GPR149: variants seen among roughly 807,000 people sequenced by gnomAD.
GPR149 encodes the protein G protein-coupled receptor 149.
A neutral mutation model predicts 50.2 loss-of-function variants in GPR149; 50 were observed. The observed-to-expected ratio is 1.00, with a 90% CI of 0.79 to 1.26. GPR149 has a LOEUF of 1.26. Among genes scored for constraint, GPR149 ranks in the 50% most tolerant of loss-of-function variants. GPR149 has a pLI of 0.00. For synonymous variants in GPR149, 405 were observed against 358.2 expected, an observed-to-expected ratio of 1.13 and a Z score of -1.48; for missense variants, 983 against 895.4, an observed-to-expected ratio of 1.10 and a Z score of -1.25.
At chr3:154,385,277 G>A (rs1515652) in intron 3 of GPR149, among the ~76,000 whole-genome samples, 1,751 of 152,278 alleles carry the variant, frequency 0.011, 75 homozygotes, top group East Asian at 0.075. Context: ...CAATCCCTGC[G>A]AATTCTTTGG....
chr3:154,365,068 G>C (rs181623407), intron 3 of GPR149, among the ~76,000 whole-genome samples: 2 of 152,284 alleles, frequency 1.3e-5, no homozygotes, highest in Non-Finnish European at 2.9e-5. Context: ...TTCTTTGCCT[G>C]GCCACCTGAG....
chr3:154,355,679 T>C (rs1218640070), intron 3 of GPR149, among the ~76,000 whole-genome samples: 1 of 152,188 alleles, frequency 6.6e-6, no homozygotes, highest in African/African-American at 2.4e-5. Context: ...AAAATAAAAT[T>C]TCATCAGGAA....
chr3:154,427,766 C>T, intron 1 of GPR149, 58 bp from the exon 2 acceptor site: 7 of 1,483,138 alleles, frequency 4.7e-6, no homozygotes, highest in Non-Finnish European at 6.4e-6. Flanking sequence ...ACTTCTCAAG[C>T]CTTTTCTCCA....
chr3:154,424,568 A>G (rs148628871), intron 2 of GPR149, among the ~76,000 whole-genome samples: 124 of 151,974 alleles, frequency 8.2e-4, no homozygotes, highest in African/African-American at 2.8e-3. Context: ...TGTTTTTTGT[A>G]TTTCGTGTGT....
rs1300961147 is a variant in GPR149, at chr3:154,429,122, G to T, written c.494C>A (p.Ser165Ter). ...LTVWAASLLL[S>*]ALPLCGWGAF... ...GCCCCAGCCGCACAGCGGGAGCGCCGAGAGCAGCAGACTGGCTGCCCACAC... is the reference window on the plus strand; with the variant it reads ...GCCCCAGCCGCACAGCGGGAGCGCCTAGAGCAGCAGACTGGCTGCCCACAC... Residue 165 changes from serine (S) to a stop codon, truncating the protein, a stop_gained, in exon 1 of 4, where the codon TCG becomes TAG. Transcript: ENST00000389740. LOFTEE classifies it high-confidence loss of function. The T allele has an allele frequency of 1.2e-6, 2 of 1,613,476 alleles. No homozygotes were observed. Among genetic ancestry groups the T allele is most frequent in the East Asian group, 2.2e-5 (1 of 44,848 alleles).
chr3:154,348,733 C>T (rs2108387623), intron 3 of GPR149, among the ~76,000 whole-genome samples: 1 of 152,164 alleles, frequency 6.6e-6, no homozygotes, highest in Admixed American at 6.5e-5. Flanking sequence ...AGAAGAGCAT[C>T]ATTAATCAAT....
At chr3:154,367,344 C>G (rs78673690) in intron 3 of GPR149, among the ~76,000 whole-genome samples, 5 of 13,790 alleles carry the variant, frequency 3.6e-4, no homozygotes, top group African/African-American at 1.4e-3. Context: ...CTTCCCCCCC[C>G]CGAAACTAAA....
chr3:154,348,290 A>G (rs1226924074), intron 3 of GPR149, among the ~76,000 whole-genome samples: 1 of 152,242 alleles, frequency 6.6e-6, no homozygotes, highest in Non-Finnish European at 1.5e-5. Flanking sequence ...TGTAGTCTAA[A>G]TAAACCAATT....
intron 3 of GPR149, among the ~76,000 whole-genome samples, chr3:154,358,660 A>T (rs1244950036): frequency 2.6e-5 from 4 of 152,200 alleles, no homozygotes; most frequent in African/African-American, 7.2e-5. Context: ...AAGAAAGCAG[A>T]TTATAAACCC....
chr3:154,414,476 G>A (rs1197569559), intron 3 of GPR149, among the ~76,000 whole-genome samples: 8 of 152,044 alleles, frequency 5.3e-5, no homozygotes, highest in African/African-American at 9.6e-5. Context: ...AGATTCATCA[G>A]TGCATGCTAA....
chr3:154,361,367 TAAC>T (rs1170532452), intron 3 of GPR149, among the ~76,000 whole-genome samples: 2 of 152,202 alleles, frequency 1.3e-5, no homozygotes, highest in Non-Finnish European at 2.9e-5. Context: ...ATACACATTT[TAAC>T]AACAACATCA....
In GPR149 at chr3:154,428,811, G is replaced by A. The variant is rs866059078; in HGVS notation, c.805C>T (p.Pro269Ser). 6.2e-7 allele frequency: 1 copy of A among 1,613,850 alleles called. No individual in the cohort carries two copies. Among genetic ancestry groups the A allele is most frequent in the Non-Finnish European group, 8.5e-7 (1 of 1,179,990 alleles). The change falls in exon 1 of 4, where the codon CCG becomes TCG. Residue 269 changes from proline to serine, a missense_variant. Physicochemically the swap from Pro to Ser is moderately conservative, Grantham distance 74. Transcript: ENST00000389740. Reference sequence around the variant, plus strand: ...GGTCCGAACACGGTGTCGGAGCTCGGAGAGCATCCCCCAGAGCGCCGCAGA... The same window carrying A: ...GGTCCGAACACGGTGTCGGAGCTCGAAGAGCATCCCCCAGAGCGCCGCAGA... ...PSLRRSGGCS[P>S]SSDTVFGPGA...
intron 3 of GPR149, among the ~76,000 whole-genome samples, chr3:154,420,334 A>T (rs776153140): frequency 7.2e-5 from 11 of 151,962 alleles, no homozygotes; most frequent in Non-Finnish European, 1.3e-4. Flanking sequence ...TCAATATCAC[A>T]CTGCCATTTC....
At position 154,338,000 on chromosome 3, in the gene GPR149, T is replaced by A. The variant is rs755850453; in HGVS notation, c.1895A>T (p.Asp632Val). 5 of 1,614,186 alleles carry A rather than the reference T, an allele frequency of 3.1e-6. No homozygotes were observed. The Admixed American group carries it at 8.3e-5, about 27-fold the overall frequency. Residue 632 changes from aspartate to valine, a missense_variant, in exon 4 of 4, where the codon GAC becomes GTC. Transcript: ENST00000389740. ...GATGTTACTAATGATTGACACAGTG[T>A]CCAAGGCCTCTTCATTATCACAAAT... ...LEICDNEEAL[D>V]TVSIISNISQ...
intron 3 of GPR149, among the ~76,000 whole-genome samples, chr3:154,356,070 A>G (rs1040232865): frequency 6.6e-6 from 1 of 152,214 alleles, no homozygotes; most frequent in Non-Finnish European, 1.5e-5. Context: ...ACAGGGAATA[A>G]GAGTAAATGA....
At chr3:154,348,352 G>A (rs1470209532) in intron 3 of GPR149, among the ~76,000 whole-genome samples, 1 of 151,862 alleles carries the variant, frequency 6.6e-6, no homozygotes, top group Non-Finnish European at 1.5e-5. Flanking sequence ...GTTATATATT[G>A]TCTATAAGAA....
intron 3 of GPR149, among the ~76,000 whole-genome samples, chr3:154,392,202 T>C (rs888677092): frequency 2.6e-5 from 4 of 151,832 alleles, no homozygotes; most frequent in Non-Finnish European, 5.9e-5. Context: ...CAGCAGAATA[T>C]ACCTTCTCCT....
At chr3:154,351,323 A>T (rs963113399) in intron 3 of GPR149, among the ~76,000 whole-genome samples, 1,512 of 136,750 alleles carry the variant, frequency 0.011, 6 homozygotes, top group Middle Eastern at 0.026. Context: ...CAAAAAAAAA[A>T]AAAAAAAAAA....
chr3:154,408,874 A>T (rs1159414986), intron 3 of GPR149, among the ~76,000 whole-genome samples: 2 of 152,230 alleles, frequency 1.3e-5, no homozygotes, highest in Admixed American at 6.5e-5. Context: ...ATAGGGCTGC[A>T]GCTGATGCAC....
Sources: allele counts gnomAD v4.1 joint callset (sites outside exome capture counted in the v4.1 genomes callset), GRCh38; gene constraint gnomAD v4.1.1; transcripts MANE v1.5; gene names NCBI Gene and HGNC (gene_info 2026-07-23, HGNC 2026-07-21).